The following POTEF variants were observed in gnomAD, a reference collection of about 807,000 sequenced individuals.
POTEF encodes the protein POTE ankyrin domain family member F.
Under a neutral mutation model 83.2 loss-of-function variants are expected in POTEF, and 20 were observed. The observed-to-expected ratio is 0.24, with a 90% CI of 0.17 to 0.35. The LOEUF is 0.35. Ranked by LOEUF, POTEF falls within the 10% of genes least tolerant of loss-of-function variation. The probability of loss-of-function intolerance (pLI) is 1.00; values close to 1 mark genes in which losing one functional copy is unlikely to be tolerated. For synonymous variants in POTEF, 196 were observed against 446.4 expected (o/e 0.44, Z 7.07); for missense variants, 550 against 1,203.2 (o/e 0.46, Z 8.03).
intron 8 of POTEF, among the ~76,000 whole-genome samples, chr2:130,104,750 A>G (rs1346181317): frequency 1.3e-5 from 2 of 151,178 alleles, no homozygotes; most frequent in African/African-American, 4.9e-5. Context: ...TTTATCCATT[A>G]AGTTCATCTG....
At chr2:130,116,031 C>G (rs1192748676) in intron 3 of POTEF, among the ~76,000 whole-genome samples, 1 of 152,044 alleles carries the variant, frequency 6.6e-6, no homozygotes, top group South Asian at 2.1e-4. Flanking sequence ...TATGTTATAA[C>G]AGGTCCGGGG....
At chr2:130,113,804 AACAG>A (rs1429071937) in intron 5 of POTEF, among the ~76,000 whole-genome samples, 6 of 151,640 alleles carry the variant, frequency 4.0e-5, no homozygotes, top group Admixed American at 3.9e-4. Context: ...AAGCTAGTGC[AACAG>A]ACAATTACTT....
At chr2:130,100,568 TA>T (rs2104799299) in intron 10 of POTEF, 107 bp downstream of exon 10, 1 of 1,482,082 alleles carries the variant, frequency 6.7e-7, no homozygotes, top group African/African-American at 1.6e-5. Flanking sequence ...ACTGATGATT[TA>T]TGCTACTTAC....
intron 7 of POTEF, 33 bp from the exon 8 acceptor site, chr2:130,108,112 A>G (rs1349554594): frequency 1.9e-6 from 3 of 1,543,708 alleles, no homozygotes; most frequent in South Asian, 2.4e-5. Context: ...CCAAATTACT[A>G]TTTTAATACT....
Position 130,122,341 on chromosome 2 carries a change from T to C in POTEF, c.-93-1733A>G, listed in dbSNP as rs542996198. ...GGAGTGAATTTACTGAGTCATGTGGTAATTCTGTATTTAACCTTTGAAGAA... is the reference window on the plus strand; with the variant it reads ...GGAGTGAATTTACTGAGTCATGTGGCAATTCTGTATTTAACCTTTGAAGAA... On this transcript the variant is annotated intron_variant, in intron 2 of 16. Transcript: ENST00000409914. 1.3e-4 allele frequency among the ~76,000 whole-genome samples: 20 copies of C among 149,512 alleles called. No individual in the cohort carries two copies. The South Asian group carries it at 3.6e-3, about 27-fold the overall frequency.
Position 130,105,039 on chromosome 2 carries a change from C to T in POTEF, c.1127-2859G>A, listed in dbSNP as rs1447007969. ...CAGAAAATTTCCTCCTTCGTCCTCA[C>T]ATCCAGGTTAAATACTACTGTACAA... On this transcript the variant is annotated intron_variant, in intron 8 of 16. Transcript: ENST00000409914. Among the ~76,000 whole-genome samples, 520 of 149,996 alleles carry T rather than the reference C, an allele frequency of 3.5e-3. 5 individuals carry two copies. Among genetic ancestry groups the T allele is most frequent in the African/African-American group, 0.013 (507 of 40,072 alleles).
At chr2:130,093,014 A>G (rs568233320) in intron 12 of POTEF, among the ~76,000 whole-genome samples, 1 of 141,656 alleles carries the variant, frequency 7.1e-6, no homozygotes, top group Admixed American at 7.0e-5. Context: ...CTTATGGTTC[A>G]TATTACAGCC....
chr2:130,120,714 G>A, intron 2 of POTEF, 106 bp from the exon 3 acceptor site: 1 of 873,016 alleles, frequency 1.1e-6, no homozygotes, highest in Non-Finnish European at 1.6e-6. Context: ...CCCGAGGAAA[G>A]CCCACGCCCC....
intron 8 of POTEF, among the ~76,000 whole-genome samples, chr2:130,103,102 CTTTTT>C (rs60152509): frequency 8.8e-4 from 111 of 126,404 alleles, no homozygotes; most frequent in Non-Finnish European, 9.3e-4. Flanking sequence ...TTCTTTCTTT[CTTTTT>C]TTTTTTTTTT....
At chr2:130,115,867 G>A (rs1684831705) in intron 3 of POTEF, among the ~76,000 whole-genome samples, 1 of 151,988 alleles carries the variant, frequency 6.6e-6, no homozygotes, top group Admixed American at 6.6e-5. Context: ...GTATTTTAGT[G>A]ATTCTGAGAT....
intron 2 of POTEF, among the ~76,000 whole-genome samples, chr2:130,121,398 C>T (rs1453316997): frequency 1.5e-5 from 2 of 137,532 alleles, no homozygotes; most frequent in Non-Finnish European, 3.1e-5. Flanking sequence ...CCCCAGGACA[C>T]TCCTGGCGGT....
At chr2:130,110,280 A>G (rs200048961) in intron 7 of POTEF, among the ~76,000 whole-genome samples, 18 of 149,468 alleles carry the variant, frequency 1.2e-4, no homozygotes, top group Non-Finnish European at 2.2e-4. Flanking sequence ...TAGGTGTTAC[A>G]CTTGGATCAA....
intron 8 of POTEF, among the ~76,000 whole-genome samples, chr2:130,107,183 A>G (rs1248586164): frequency 9.9e-4 from 143 of 144,876 alleles, no homozygotes; most frequent in Non-Finnish European, 1.1e-3. Flanking sequence ...TTGTATATTT[A>G]TTATGACAAT....
intron 7 of POTEF, among the ~76,000 whole-genome samples, chr2:130,108,358 A>C (rs560506115): frequency 6.6e-6 from 1 of 152,008 alleles, no homozygotes; most frequent in Non-Finnish European, 1.5e-5. Context: ...CCAACTCTGC[A>C]TAAGTCCTAG....
chr2:130,114,126 T>A (rs915452160), intron 5 of POTEF, among the ~76,000 whole-genome samples: 2 of 151,184 alleles, frequency 1.3e-5, no homozygotes, highest in South Asian at 4.2e-4. Flanking sequence ...TCCTCTTACA[T>A]TACCACCTAT....
chr2:130,126,319 AAAAAAG>A (rs1287781274), intron 2 of POTEF, among the ~76,000 whole-genome samples: 1 of 152,176 alleles, frequency 6.6e-6, no homozygotes, highest in South Asian at 2.1e-4. Flanking sequence ...AAAAAAAAAA[AAAAAAG>A]AAAGAAAACA....
intron 5 of POTEF, 25 bp from the exon 6 acceptor site, chr2:130,112,126 C>G: frequency 7.1e-7 from 1 of 1,398,998 alleles, no homozygotes; most frequent in Non-Finnish European, 9.6e-7. Context: ...AAAGCAAAAA[C>G]CTATGTAATT....
chr2:130,128,214 A>G (rs1295685353), intron 1 of POTEF, among the ~76,000 whole-genome samples: 1 of 149,336 alleles, frequency 6.7e-6, no homozygotes, highest in South Asian at 2.1e-4. Context: ...CGCGATGCCC[A>G]CTAATCCCCA....
chr2:130,128,205 G>T (rs949183689), intron 1 of POTEF, among the ~76,000 whole-genome samples: 7 of 148,836 alleles, frequency 4.7e-5, no homozygotes, highest in African/African-American at 1.5e-4. Context: ...ACAGTCCCCC[G>T]CGATGCCCAC....
Sources: gnomAD v4.1 joint callset for allele counts (sites outside exome capture counted in the v4.1 genomes callset) on GRCh38, gnomAD v4.1.1 for gene constraint, MANE v1.5 for transcripts, NCBI Gene and HGNC (gene_info 2026-07-23, HGNC 2026-07-21) for gene names.